The following CELSR1 variants were observed in gnomAD, a reference collection of about 807,000 sequenced individuals.
CELSR1 encodes cadherin EGF LAG seven-pass G-type receptor 1.
In CELSR1, 110 loss-of-function variants were observed where a neutral mutation model predicts 249.1. The ratio of observed to expected loss-of-function variants is 0.44; its 90% CI spans 0.38 to 0.52. CELSR1 has a LOEUF of 0.52. Ranked by LOEUF, CELSR1 falls within the 20% of genes least tolerant of loss-of-function variation. The probability of loss-of-function intolerance (pLI) is 0.00; values close to 1 mark genes in which losing one functional copy is unlikely to be tolerated. For synonymous variants in CELSR1, 2,113 were observed against 1,900.0 expected (o/e 1.11, Z -2.92); for missense variants, 4,109 against 4,296.4 (o/e 0.96, Z 1.22).
At chr22:46,477,184 G>GC (rs1412108081) in intron 1 of CELSR1, among the ~76,000 whole-genome samples, 2 of 152,156 alleles carry the variant, frequency 1.3e-5, no homozygotes, top group African/African-American at 4.8e-5. Context: ...CCTTAAAGAT[G>GC]CTGAGTATGG....
intron 20 of CELSR1, among the ~76,000 whole-genome samples, chr22:46,382,320 C>T (rs1360954511): frequency 6.6e-6 from 1 of 152,110 alleles, no homozygotes; most frequent in Non-Finnish European, 1.5e-5. Flanking sequence ...CTCTGTCGCC[C>T]AGGCTGGAGT....
At chr22:46,424,838 G>C (rs1333999694) in intron 5 of CELSR1, among the ~76,000 whole-genome samples, 1 of 152,196 alleles carries the variant, frequency 6.6e-6, no homozygotes. Flanking sequence ...CGAGCATGGT[G>C]GTGTGTGCCT....
rs972384141 is a variant in CELSR1 at position 46,377,379 on chromosome 22, C to G, written c.7384-118G>C. On this transcript the variant is annotated intron_variant, in intron 23 of 34. Transcript: ENST00000674500. ...ATGAAACGATCAAGGCTGGCAGGAT[C>G]AGGCTGGGCTGGGGAGGCCGAGTGC... 22 of 1,186,548 alleles carry G rather than the reference C, an allele frequency of 1.9e-5. No homozygotes were observed. The Admixed American group carries it at 4.3e-4, about 23-fold the overall frequency. The allele number at this position is 1,186,548 out of a possible 1,614,324, so 73.5% of individuals were successfully genotyped here. A position where few individuals can be genotyped will look rare whatever the true frequency, so the allele number is the denominator to read the frequency against.
chr22:46,404,139 C>T (rs776280976), intron 9 of CELSR1, among the ~76,000 whole-genome samples: 8 of 151,958 alleles, frequency 5.3e-5, no homozygotes, highest in Non-Finnish European at 1.0e-4. Flanking sequence ...AGGCTGGGCG[C>T]GGTGGCTCAC....
At chr22:46,533,446 C>G (rs377306839) in intron 1 of CELSR1, among the ~76,000 whole-genome samples, 181 bp downstream of exon 1, 2 of 152,248 alleles carry the variant, frequency 1.3e-5, no homozygotes, top group Non-Finnish European at 2.9e-5. Flanking sequence ...GCCTCTCCCC[C>G]TCGCTGGGCC....
At position 46,390,465 on chromosome 22, in the gene CELSR1, C is replaced by T. The variant is rs770706865; in HGVS notation, c.6272G>A (p.Ser2091Asn). 2 of 1,613,906 alleles carry T rather than the reference C, an allele frequency of 1.2e-6. No homozygotes were observed. The highest frequency in any genetic ancestry group is 1.7e-5 in the Admixed American group (1 of 59,990). Residue 2091 changes from serine (S) to asparagine (N), a missense_variant, in exon 17 of 35, where the codon AGC becomes AAC. Ser to Asn is a conservative substitution (Grantham distance 46). Coordinates refer to ENST00000674500, the MANE Select transcript of CELSR1 (RefSeq NM_001378328.1). This position sits in a 1 kb window ranked among gnomAD's most constrained non-coding sequence, Gnocchi z 6.3. ...TGGGGGCAGCCAGCCCTTCTCCCCG[C>T]TGCAGTGTCGGACCGCATTTCCTGG... Reference protein sequence around the residue: ...GSVGNAVRHCSGEKGWLPPEL... With the variant: ...GSVGNAVRHCNGEKGWLPPEL...
In CELSR1 at chr22:46,399,846, G is replaced by A. The variant is rs141170525; in HGVS notation, c.5283C>T (p.Ser1761=). ...EVSHGPSDVE[S]VMLSGLRVTD... Reference sequence around the variant, plus strand: ...TCACCCGCAACCCGGACAGCATCACGGACTCCACATCGGAGGGGCCGTGGG... The same window carrying A: ...TCACCCGCAACCCGGACAGCATCACAGACTCCACATCGGAGGGGCCGTGGG... Residue 1761 remains serine (S), a synonymous_variant, in exon 10 of 35, where the codon TCC becomes TCT. Transcript: ENST00000674500. The surrounding 1 kb of genome is among the most constrained non-coding windows in gnomAD (Gnocchi z 5.0). 5.6e-6 allele frequency: 9 copies of A among 1,614,138 alleles called. No homozygotes were observed. Among genetic ancestry groups the A allele is most frequent in the African/African-American group, 4.0e-5 (3 of 75,036 alleles).
rs139104037 is a variant in CELSR1, at chr22:46,367,840, G to A, written c.7968C>T (p.Thr2656=). 2.2e-5 allele frequency: 36 copies of A among 1,610,694 alleles called. No individual in the cohort carries two copies. Among genetic ancestry groups the A allele is most frequent in the African/African-American group, 1.9e-4 (14 of 74,900 alleles). ...TGATGAGCAGCAGCAGGAGGAATGC[G>A]GTCCTCAGCAGGGAGCTGCGGGAGG... ...GKKGIVSLLR[T]AFLLLLLISA... Residue 2656 remains threonine, a synonymous_variant, in exon 28 of 35, where the codon ACC becomes ACT. Transcript: ENST00000674500.
rs1260097622 is a variant in CELSR1 at position 46,517,235 on chromosome 22, C to T, written c.3544+16392G>A. Among the ~76,000 whole-genome samples, 2 of 152,264 alleles carry T rather than the reference C, an allele frequency of 1.3e-5. No individual in the cohort carries two copies. Among genetic ancestry groups the T allele is most frequent in the Non-Finnish European group, 2.9e-5 (2 of 68,052 alleles). On this transcript the variant is annotated intron_variant, in intron 1 of 34. Transcript: ENST00000674500. This position sits in a 1 kb window ranked among gnomAD's most constrained non-coding sequence, Gnocchi z 5.4. ...AGGGGCTTGGCCCATTTTCCCACTG[C>T]TCCACCTTTGCTCTGGCAAAAAATG...
rs1046072662 is a variant in CELSR1, at chr22:46,390,422, G to A, written c.6315C>T (p.Thr2105=). Residue 2105 remains threonine, a synonymous_variant, in exon 17 of 35, where the codon ACC becomes ACT. Coordinates refer to ENST00000674500, the MANE Select transcript of CELSR1 (RefSeq NM_001378328.1). The surrounding 1 kb of genome is among the most constrained non-coding windows in gnomAD (Gnocchi z 6.3). ...CCCTGAGGTCCACGAAGGAGATGGTGGTACAGTTAAAGAGCTCTGGGGGCA... is the reference window on the plus strand; with the variant it reads ...CCCTGAGGTCCACGAAGGAGATGGTAGTACAGTTAAAGAGCTCTGGGGGCA... ...GWLPPELFNC[T]TISFVDLRAM... 1.2e-6 allele frequency: 2 copies of A among 1,613,690 alleles called. No homozygotes were observed. Among genetic ancestry groups the A allele is most frequent in the African/African-American group, 1.3e-5 (1 of 74,932 alleles).
intron 1 of CELSR1, among the ~76,000 whole-genome samples, chr22:46,532,554 T>C (rs1490887768): frequency 6.6e-6 from 1 of 152,242 alleles, no homozygotes; most frequent in Non-Finnish European, 1.5e-5. Context: ...TTTTAATTAT[T>C]CCAGGGCTCC....
intron 2 of CELSR1, among the ~76,000 whole-genome samples, chr22:46,442,680 T>C (rs922124404): frequency 6.6e-6 from 1 of 152,256 alleles, no homozygotes; most frequent in Non-Finnish European, 1.5e-5. Context: ...CAAATGAAAC[T>C]GATTTATAAT....
chr22:46,514,365 G>A (rs879689555), intron 1 of CELSR1, among the ~76,000 whole-genome samples: 7 of 152,180 alleles, frequency 4.6e-5, no homozygotes, highest in Non-Finnish European at 8.8e-5. Context: ...ATGTGATGCT[G>A]AAGCTCTTCC....
At position 46,472,769 on chromosome 22, in the gene CELSR1, C is replaced by T. The variant is rs1478951296; in HGVS notation, c.3545-8424G>A. On this transcript the variant is annotated intron_variant, in intron 1 of 34. Transcript: ENST00000674500. The surrounding 1 kb of genome is among the most constrained non-coding windows in gnomAD (Gnocchi z 7.0). ...TGGAGGCTCAGGGGAGGGTCTGTTC[C>T]GGGCCCCTTTCCCTGGGGGCTGGGG... Among the ~76,000 whole-genome samples, 1 of 152,014 alleles carries T rather than the reference C, an allele frequency of 6.6e-6. No homozygotes were observed. The highest frequency in any genetic ancestry group is 2.4e-5 in the African/African-American group (1 of 41,392).
At position 46,532,858 on chromosome 22, in the gene CELSR1, G is replaced by T. The variant is rs9627491; in HGVS notation, c.3544+769C>A. ...ACCGCAGACCAGCCCCGGCACACAG[G>T]GTCAGAGGCATAGAGGACCGGCCAA... is the stretch of plus-strand genomic sequence containing the variant. On this transcript the variant is annotated intron_variant, in intron 1 of 34. Transcript: ENST00000674500. 5.5e-3 allele frequency among the ~76,000 whole-genome samples: 831 copies of T among 152,140 alleles called. 10 individuals carry two copies. The highest frequency in any genetic ancestry group is 0.019 in the African/African-American group (796 of 41,488).
intron 1 of CELSR1, among the ~76,000 whole-genome samples, chr22:46,466,519 G>T (rs541792364): frequency 6.6e-6 from 1 of 152,320 alleles, no homozygotes; most frequent in South Asian, 2.1e-4. Context: ...GACCCACCGG[G>T]CTGCTGAGAC....
At chr22:46,369,298 C>G in intron 26 of CELSR1, 40 bp from the exon 27 acceptor site, 7 of 140,842 alleles carry the variant, frequency 5.0e-5, no homozygotes, top group Non-Finnish European at 8.8e-5. Context: ...TCTCTCTCGT[C>G]ACTGCAGACC....
intron 1 of CELSR1, among the ~76,000 whole-genome samples, chr22:46,509,863 A>G (rs1251391173): frequency 6.6e-6 from 1 of 152,150 alleles, no homozygotes; most frequent in Non-Finnish European, 1.5e-5. Flanking sequence ...CCCGGCACAC[A>G]GGTGAGTCCT....
chr22:46,409,030 G>T lies in CELSR1; in HGVS notation c.5192C>A (p.Ala1731Asp). 6.2e-7 allele frequency: 1 copy of T among 1,612,260 alleles called. No homozygotes were observed. The highest frequency in any genetic ancestry group is 8.5e-7 in the Non-Finnish European group (1 of 1,179,448). Residue 1731 changes from alanine to aspartate, a missense_variant, in exon 9 of 35, where the codon GCC becomes GAC. Physicochemically the swap from Ala to Asp is moderately radical, Grantham distance 126. Coordinates refer to ENST00000674500, the MANE Select transcript of CELSR1 (RefSeq NM_001378328.1). The surrounding 1 kb of genome is among the most constrained non-coding windows in gnomAD (Gnocchi z 9.8). ...AAAGCTGGTGGGCCCACCACTGGTG[G>T]CCTCCATCAGAACGCTGTCCTCCTT... Reference protein sequence around the residue: ...TRKEDSVLMEATSGGPTSFRL... With the variant: ...TRKEDSVLMEDTSGGPTSFRL...
Sources: allele counts gnomAD v4.1 joint callset (sites outside exome capture counted in the v4.1 genomes callset), GRCh38; gene constraint gnomAD v4.1.1; non-coding constraint Gnocchi (gnomAD v3.1); transcripts MANE v1.5; gene names NCBI Gene and HGNC (gene_info 2026-07-23, HGNC 2026-07-21).